The following MAN1C1 variants were observed in gnomAD, a reference collection of about 807,000 sequenced individuals.
MAN1C1 encodes the protein mannosidase alpha class 1C member 1.
Under a neutral mutation model 71.5 loss-of-function variants are expected in MAN1C1, and 49 were observed. That is an observed-to-expected ratio of 0.69 (90% confidence interval 0.54 to 0.87). The LOEUF (loss-of-function observed/expected upper bound fraction) is 0.87, where lower values mean the gene tolerates loss of function less well. MAN1C1 is among the 40% of genes least tolerant of loss of function. MAN1C1 has a pLI of 0.00. For missense variants in MAN1C1, 743 were observed against 835.0 expected (o/e 0.89, Z 1.36); for synonymous variants, 352 against 343.7 (o/e 1.02, Z -0.27).
intron 1 of MAN1C1, among the ~76,000 whole-genome samples, chr1:25,626,328 T>C (rs1307080491): frequency 2.6e-5 from 4 of 151,718 alleles, no homozygotes; most frequent in Admixed American, 6.6e-5. Flanking sequence ...TTGAATGTCC[T>C]TTTCATGTGT....
intron 5 of MAN1C1, among the ~76,000 whole-genome samples, chr1:25,757,833 G>A (rs537527505): frequency 3.3e-5 from 5 of 152,384 alleles, no homozygotes; most frequent in East Asian, 3.9e-4. Context: ...TGGCATCAGA[G>A]CCAGCTCTGG....
rs1274124563 is a variant in MAN1C1, at chr1:25,746,274, C to T, written c.638-394C>T. ...GAGCCGAGATCGCACCATTGCACTC[C>T]AGACTGGGTGACAGAGTAAGACCCT... is the stretch of plus-strand genomic sequence containing the variant. On this transcript the variant is annotated intron_variant, in intron 2 of 11. Coordinates refer to ENST00000374332, the MANE Select transcript of MAN1C1 (RefSeq NM_020379.4). This position sits in a 1 kb window ranked among gnomAD's most constrained non-coding sequence, Gnocchi z 4.0. Among the ~76,000 whole-genome samples the T allele has an allele frequency of 6.6e-6, 1 of 152,208 alleles. No individual in the cohort carries two copies.
At chr1:25,724,233 T>C (rs935170039) in intron 2 of MAN1C1, among the ~76,000 whole-genome samples, 10 of 152,174 alleles carry the variant, frequency 6.6e-5, no homozygotes, top group Non-Finnish European at 1.5e-4. Context: ...TTCACCTTGT[T>C]GGCCAAGATG....
intron 1 of MAN1C1, among the ~76,000 whole-genome samples, chr1:25,663,672 C>T (rs545994758): frequency 6.6e-6 from 1 of 151,954 alleles, no homozygotes; most frequent in African/African-American, 2.4e-5. Context: ...CACAGTGGGA[C>T]GAATGGGGAG....
At chr1:25,618,635 CA>C (rs2124744785) in intron 1 of MAN1C1, among the ~76,000 whole-genome samples, 1 of 152,180 alleles carries the variant, frequency 6.6e-6, no homozygotes, top group East Asian at 1.9e-4. Flanking sequence ...ATCCAACCCC[CA>C]GGCCCAGTGA....
Position 25,631,063 on chromosome 1 carries a change from T to C in MAN1C1, c.540+12726T>C, listed in dbSNP as rs55934170. 0.091 allele frequency among the ~76,000 whole-genome samples: 13,884 copies of C among 152,140 alleles called. 1,429 individuals carry two copies. Among genetic ancestry groups the C allele is most frequent in the East Asian group, 0.22 (1,147 of 5,166 alleles). On this transcript the variant is annotated intron_variant, in intron 1 of 11. Coordinates refer to ENST00000374332, the MANE Select transcript of MAN1C1 (RefSeq NM_020379.4). This position sits in a 1 kb window ranked among gnomAD's most constrained non-coding sequence, Gnocchi z 4.2. Reference sequence around the variant, plus strand: ...CACTGAAACCCCCGCCTCCCGCATTTAAGTGATTCTTGTGCCTCAGCCTCC... The same window carrying C: ...CACTGAAACCCCCGCCTCCCGCATTCAAGTGATTCTTGTGCCTCAGCCTCC...
At chr1:25,656,024 C>CTCTT (rs1362412077) in intron 1 of MAN1C1, among the ~76,000 whole-genome samples, 1 of 149,942 alleles carries the variant, frequency 6.7e-6, no homozygotes, top group African/African-American at 2.5e-5. Context: ...GAGCTGCCTC[C>CTCTT]TCTTTTTGGG....
chr1:25,765,768 GCCTTT>G (rs1184409205), intron 7 of MAN1C1, among the ~76,000 whole-genome samples: 3 of 152,166 alleles, frequency 2.0e-5, no homozygotes, highest in African/African-American at 7.2e-5. Context: ...AGCAGCTGAG[GCCTTT>G]CCTTCCAACC....
At chr1:25,745,575 G>A (rs982375027) in intron 2 of MAN1C1, among the ~76,000 whole-genome samples, 9 of 152,152 alleles carry the variant, frequency 5.9e-5, no homozygotes, top group African/African-American at 2.2e-4. Context: ...GTCTCCCCAG[G>A]TAAATAGGCA....
chr1:25,773,497 T>A (rs1489306908), intron 8 of MAN1C1, among the ~76,000 whole-genome samples: 2 of 152,188 alleles, frequency 1.3e-5, no homozygotes, highest in Non-Finnish European at 2.9e-5. Context: ...TGCAGTCCCA[T>A]CTCAGTCTGG....
At chr1:25,773,992 AAAC>A (rs2047587520) in intron 8 of MAN1C1, among the ~76,000 whole-genome samples, 1 of 152,112 alleles carries the variant, frequency 6.6e-6, no homozygotes, top group Non-Finnish European at 1.5e-5. Context: ...GGCCACACAT[AAAC>A]CTCCTTGGGA....
intron 2 of MAN1C1, among the ~76,000 whole-genome samples, chr1:25,721,246 C>G (rs1237242250): frequency 6.6e-6 from 1 of 152,148 alleles, no homozygotes; most frequent in Non-Finnish European, 1.5e-5. Context: ...CTTAGCCCCC[C>G]AGAGTGCTGC....
chr1:25,700,917 C>T (rs1051324144), intron 2 of MAN1C1, among the ~76,000 whole-genome samples: 3 of 152,328 alleles, frequency 2.0e-5, no homozygotes, highest in South Asian at 2.1e-4. Context: ...TTGGGGCATT[C>T]GGCACCAGCC....
chr1:25,626,600 C>G (rs191297517), intron 1 of MAN1C1, among the ~76,000 whole-genome samples: 2 of 152,088 alleles, frequency 1.3e-5, no homozygotes, highest in Non-Finnish European at 2.9e-5. Context: ...CCTCATGATC[C>G]GCCTGCCTCG....
At chr1:25,704,038 G>A (rs1409669893) in intron 2 of MAN1C1, among the ~76,000 whole-genome samples, 1 of 152,168 alleles carries the variant, frequency 6.6e-6, no homozygotes, top group African/African-American at 2.4e-5. Context: ...CCTGCCACAT[G>A]CTTCTGGCTG....
chr1:25,747,479 T>C (rs989893861), intron 3 of MAN1C1, among the ~76,000 whole-genome samples: 16 of 152,324 alleles, frequency 1.1e-4, no homozygotes, highest in African/African-American at 3.8e-4. Context: ...TTACATAGAC[T>C]TGGGGAGTAA....
intron 2 of MAN1C1, among the ~76,000 whole-genome samples, chr1:25,689,685 C>T (rs1297521753): frequency 2.0e-5 from 3 of 152,188 alleles, no homozygotes; most frequent in African/African-American, 7.2e-5. Flanking sequence ...CTTTTCTGGA[C>T]TCATGGGGGC....
chr1:25,654,710 G>A (rs1196624629), intron 1 of MAN1C1, among the ~76,000 whole-genome samples: 10 of 151,630 alleles, frequency 6.6e-5, no homozygotes, highest in South Asian at 2.1e-4. Flanking sequence ...GCAGTGGTGC[G>A]ATCTTGGCTC....
intron 2 of MAN1C1, among the ~76,000 whole-genome samples, chr1:25,738,146 TC>T (rs1392659108): frequency 1.3e-5 from 2 of 152,146 alleles, no homozygotes; most frequent in Non-Finnish European, 2.9e-5. Context: ...AAAATATCTT[TC>T]CTTCCAGAGG....
Sources: gnomAD v4.1 joint callset for allele counts (sites outside exome capture counted in the v4.1 genomes callset) on GRCh38, gnomAD v4.1.1 for gene constraint, Gnocchi (gnomAD v3.1) non-coding constraint, MANE v1.5 for transcripts, NCBI Gene and HGNC (gene_info 2026-07-23, HGNC 2026-07-21) for gene names.